Variants in PTPRM observed in about 807,000 individuals in gnomAD.
The protein encoded by PTPRM is protein tyrosine phosphatase receptor type M.
A neutral mutation model predicts 186.7 loss-of-function variants in PTPRM; 47 were observed. The observed-to-expected ratio is 0.25, with a 90% CI of 0.20 to 0.32. The LOEUF (loss-of-function observed/expected upper bound fraction) is 0.32. Among genes scored for constraint, PTPRM ranks in the 10% least tolerant of loss-of-function variants. The pLI, the probability that PTPRM is intolerant of heterozygous loss-of-function variation, is 1.00. For synonymous variants in PTPRM, 668 were observed against 674.9 expected (o/e 0.99, Z 0.16); for missense variants, 1,494 against 1,865.0 (o/e 0.80, Z 3.66).
At chr18:8,354,808 A>C (rs1225224316) in intron 23 of PTPRM, among the ~76,000 whole-genome samples, 2 of 152,198 alleles carry the variant, frequency 1.3e-5, no homozygotes, top group Admixed American at 6.5e-5. Context: ...CAGCAGTAGA[A>C]CAGTGGCTAA....
At chr18:8,073,970 G>A (rs1013120187) in intron 8 of PTPRM, among the ~76,000 whole-genome samples, 11 of 152,068 alleles carry the variant, frequency 7.2e-5, no homozygotes, top group African/African-American at 2.7e-4. Flanking sequence ...ACCTAAAGAG[G>A]TTCAATGATT....
At chr18:7,992,514 AAC>A (rs1308855459) in intron 7 of PTPRM, among the ~76,000 whole-genome samples, 1 of 152,114 alleles carries the variant, frequency 6.6e-6, no homozygotes, top group Non-Finnish European at 1.5e-5. Context: ...ATCATCAGTA[AAC>A]ACACACAGGT....
intron 7 of PTPRM, among the ~76,000 whole-genome samples, chr18:7,966,935 G>T (rs533930890): frequency 0.029 from 3,591 of 124,254 alleles, 446 homozygotes; most frequent in African/African-American, 0.088. Flanking sequence ...CTGGAAGCTC[G>T]AACTGGGTGG....
At chr18:8,386,074 C>T (rs1426021865) in intron 30 of PTPRM, among the ~76,000 whole-genome samples, 3 of 151,914 alleles carry the variant, frequency 2.0e-5, no homozygotes, top group South Asian at 2.1e-4. Context: ...CCCGTGTAAC[C>T]GGATTGTTTG....
chr18:8,067,396 A>AT (rs1266020453), intron 7 of PTPRM, among the ~76,000 whole-genome samples: 1 of 152,208 alleles, frequency 6.6e-6, no homozygotes, highest in East Asian at 1.9e-4. Context: ...TATTTATGAC[A>AT]TTTTCCCAAC....
chr18:7,582,367 C>T (rs1056362479), intron 1 of PTPRM, among the ~76,000 whole-genome samples: 1 of 152,156 alleles, frequency 6.6e-6, no homozygotes, highest in South Asian at 2.1e-4. Context: ...GTTGGACTCT[C>T]GTACATGTGA....
chr18:7,850,629 GGA>G (rs2046814889), intron 2 of PTPRM, among the ~76,000 whole-genome samples: 1 of 152,138 alleles, frequency 6.6e-6, no homozygotes, highest in African/African-American at 2.4e-5. Flanking sequence ...TTTCACTGTA[GGA>G]ATAAGAGTGA....
intron 1 of PTPRM, among the ~76,000 whole-genome samples, chr18:7,661,100 T>G (rs2038970401): frequency 6.6e-6 from 1 of 152,212 alleles, no homozygotes; most frequent in East Asian, 1.9e-4. Flanking sequence ...CAGGACTATC[T>G]TTGCACAGGG....
At chr18:8,034,012 C>T (rs2086168487) in intron 7 of PTPRM, among the ~76,000 whole-genome samples, 1 of 151,990 alleles carries the variant, frequency 6.6e-6, no homozygotes, top group African/African-American at 2.4e-5. Flanking sequence ...CTTCATGTGG[C>T]CTTCACTTCA....
intron 23 of PTPRM, among the ~76,000 whole-genome samples, chr18:8,353,938 G>A (rs967425833): frequency 9.2e-5 from 14 of 152,176 alleles, no homozygotes; most frequent in Middle Eastern, 3.2e-3. Context: ...GCGGCTGGGC[G>A]CAGTGGCTCA....
intron 8 of PTPRM, among the ~76,000 whole-genome samples, chr18:8,073,588 T>G (rs1055220878): frequency 1.3e-5 from 2 of 152,212 alleles, no homozygotes; most frequent in African/African-American, 4.8e-5. Context: ...CATATTTATG[T>G]GCTATTTAGG....
intron 2 of PTPRM, among the ~76,000 whole-genome samples, chr18:7,827,320 C>G (rs1284689122): frequency 6.6e-6 from 1 of 152,166 alleles, no homozygotes; most frequent in African/African-American, 2.4e-5. Context: ...CTTCTCATAG[C>G]TGTCGAATCG....
At chr18:8,277,173 G>A (rs2094846391) in intron 19 of PTPRM, among the ~76,000 whole-genome samples, 1 of 152,136 alleles carries the variant, frequency 6.6e-6, no homozygotes, top group African/African-American at 2.4e-5. Context: ...CTGGCCTCAA[G>A]TGAGCCACCC....
chr18:8,238,658 T>G (rs9963774), intron 14 of PTPRM, among the ~76,000 whole-genome samples: 2,250 of 129,292 alleles, frequency 0.017, 101 homozygotes, highest in African/African-American at 0.059. Flanking sequence ...TGTGTTTTTT[T>G]TTTTTTTTTT....
chr18:7,681,063 G>C (rs1018703057), intron 1 of PTPRM, among the ~76,000 whole-genome samples: 7 of 152,146 alleles, frequency 4.6e-5, no homozygotes, highest in South Asian at 2.1e-4. Flanking sequence ...CCTGGGAAAG[G>C]CTTGACACCA....
intron 7 of PTPRM, among the ~76,000 whole-genome samples, chr18:7,958,321 A>C (rs1312008859): frequency 6.6e-6 from 1 of 152,146 alleles, no homozygotes; most frequent in Non-Finnish European, 1.5e-5. Context: ...GGCTTCTCAT[A>C]ATTCTCACAT....
At chr18:8,329,576 A>G (rs1431426067) in intron 22 of PTPRM, among the ~76,000 whole-genome samples, 1 of 152,230 alleles carries the variant, frequency 6.6e-6, no homozygotes, top group South Asian at 2.1e-4. Flanking sequence ...CTCTGGCAAC[A>G]TGAGTCCTTG....
At chr18:7,674,366 A>G (rs1598347137) in intron 1 of PTPRM, among the ~76,000 whole-genome samples, 1 of 152,168 alleles carries the variant, frequency 6.6e-6, no homozygotes, top group East Asian at 1.9e-4. Flanking sequence ...AAGTGATGGA[A>G]GTACTTTGAG....
intron 14 of PTPRM, among the ~76,000 whole-genome samples, chr18:8,156,090 C>T (rs1294936004): frequency 1.3e-5 from 2 of 152,148 alleles, no homozygotes; most frequent in African/African-American, 2.4e-5. Context: ...AGCTGCCGTC[C>T]TTCAGGTTTC....
Sources: allele counts gnomAD v4.1 joint callset (sites outside exome capture counted in the v4.1 genomes callset), GRCh38; gene constraint gnomAD v4.1.1; transcripts MANE v1.5; gene names NCBI Gene and HGNC (gene_info 2026-07-23, HGNC 2026-07-21).